Variants in CCDC85C observed in about 807,000 individuals in gnomAD.
CCDC85C encodes coiled-coil domain-containing protein 85C.
A neutral mutation model predicts 38.3 loss-of-function variants in CCDC85C; 18 were observed. The ratio of observed to expected loss-of-function variants is 0.47; its 90% CI spans 0.33 to 0.70. The LOEUF (loss-of-function observed/expected upper bound fraction) is 0.70, where lower values mean the gene tolerates loss of function less well. CCDC85C is among the 30% of genes least tolerant of loss of function. CCDC85C has a pLI of 0.03. For synonymous variants in CCDC85C, 264 were observed against 293.8 expected (o/e 0.90, Z 1.04); for missense variants, 566 against 621.2 (o/e 0.91, Z 0.94).
At position 99,510,764 on chromosome 14, in the gene CCDC85C, G is replaced by A; in HGVS notation, c.*4482C>T. 1 of 1,464,078 alleles carries A rather than the reference G, an allele frequency of 6.8e-7. No homozygotes were observed. The highest frequency in any genetic ancestry group is 9.0e-7 in the Non-Finnish European group (1 of 1,109,486). 90.7% of individuals were successfully genotyped at this position (1,464,078 alleles called of 1,614,324 possible). ...TGCCTCCAGTTGGGGGGCTGGGGCG[G>A]GCAGCCTGGATGAGATAACGTGAGC... On this transcript the variant is annotated 3_prime_UTR_variant, in exon 6 of 6. Transcript: ENST00000380243.
At chr14:99,559,016 G>A (rs370649481) in intron 1 of CCDC85C, among the ~76,000 whole-genome samples, 16 of 151,830 alleles carry the variant, frequency 1.1e-4, no homozygotes, top group African/African-American at 1.9e-4. Context: ...TCCTGCTCCC[G>A]CCTGCAAGAC....
chr14:99,571,942 A>G (rs1192447545), intron 1 of CCDC85C, among the ~76,000 whole-genome samples: 1 of 152,194 alleles, frequency 6.6e-6, no homozygotes, highest in East Asian at 1.9e-4. Context: ...TCATTGAGCT[A>G]GGCCCTGAAG....
At chr14:99,552,836 T>C (rs1360761074) in intron 1 of CCDC85C, among the ~76,000 whole-genome samples, 1 of 152,234 alleles carries the variant, frequency 6.6e-6, no homozygotes, top group African/African-American at 2.4e-5. Context: ...CTGCTCACCT[T>C]GGGCAAGGCT....
rs1181210647 is a variant in CCDC85C at position 99,558,359 on chromosome 14, G to A, written c.794-22271C>T. On this transcript the variant is annotated intron_variant, in intron 1 of 5. Coordinates refer to ENST00000380243, the MANE Select transcript of CCDC85C (RefSeq NM_001144995.2). This position sits in a 1 kb window ranked among gnomAD's most constrained non-coding sequence, Gnocchi z 4.2. The stretch of plus-strand genomic sequence containing the variant: ...CATGTAGTCAAGGTAAGGTCCAGAG[G>A]AGACCACACTGTATTAGGGTGGCCC... 6.6e-6 allele frequency among the ~76,000 whole-genome samples: 1 copy of A among 152,242 alleles called. No individual in the cohort carries two copies. Among genetic ancestry groups the A allele is most frequent in the Non-Finnish European group, 1.5e-5 (1 of 68,046 alleles).
intron 3 of CCDC85C, among the ~76,000 whole-genome samples, chr14:99,518,335 AGGCTAGGG>A (rs1897256123): frequency 6.6e-6 from 1 of 151,584 alleles, no homozygotes; most frequent in Non-Finnish European, 1.5e-5. Flanking sequence ...CCCACCCCTG[AGGCTAGGG>A]GGCCTGGGAG....
Position 99,507,886 on chromosome 14 carries a change from C to G in CCDC85C, c.*7360G>C, listed in dbSNP as rs531637873. On this transcript the variant is annotated 3_prime_UTR_variant, in exon 6 of 6. Transcript: ENST00000380243. ...GGTAAGCTGGAAAGCCTCTCTGATA[C>G]CGCTGGCAATAGAGGAGAAAAGCTG... 5.3e-5 allele frequency: 8 copies of G among 152,244 alleles called. No homozygotes were observed. The highest frequency in any genetic ancestry group is 2.1e-4 in the South Asian group (1 of 4,832). The allele number at this position is 152,244 out of a possible 1,614,324, so 9.4% of individuals were successfully genotyped here. A position where few individuals can be genotyped will look rare whatever the true frequency, so the allele number is the denominator to read the frequency against.
In CCDC85C at chr14:99,511,486, G is replaced by T. The variant is rs1897130146; in HGVS notation, c.*3760C>A. ...GTTACAAATGAGACTCCTTCAGTCA[G>T]TTATCCAAATAAAAGCAGTTCTGAA... On this transcript the variant is annotated 3_prime_UTR_variant, in exon 6 of 6. Coordinates refer to ENST00000380243, the MANE Select transcript of CCDC85C (RefSeq NM_001144995.2). 1 of 152,604 alleles carries T rather than the reference G, an allele frequency of 6.6e-6. No individual in the cohort carries two copies. The highest frequency in any genetic ancestry group is 6.5e-5 in the Admixed American group (1 of 15,290). The allele number at this position is 152,604 out of a possible 1,614,324, so 9.5% of individuals were successfully genotyped here.
intron 2 of CCDC85C, among the ~76,000 whole-genome samples, chr14:99,524,411 T>C (rs1306742763): frequency 6.6e-6 from 1 of 151,670 alleles, no homozygotes; most frequent in Non-Finnish European, 1.5e-5. Flanking sequence ...AAACGCAGGT[T>C]TGTGCTGCCG....
intron 1 of CCDC85C, among the ~76,000 whole-genome samples, chr14:99,556,285 G>A (rs1359885755): frequency 1.3e-5 from 2 of 152,152 alleles, no homozygotes; most frequent in Non-Finnish European, 2.9e-5. Context: ...GGGCATGGTG[G>A]TGCATGCCTG....
At chr14:99,596,276 C>T (rs574757840) in intron 1 of CCDC85C, among the ~76,000 whole-genome samples, 1 of 152,286 alleles carries the variant, frequency 6.6e-6, no homozygotes, top group Non-Finnish European at 1.5e-5. Context: ...TAAGACACGC[C>T]CCATATTACA....
rs1208877317 is a variant in CCDC85C at position 99,504,162 on chromosome 14, CAGA to C, written c.*11081_*11083del. 1.1e-5 allele frequency: 3 copies of C among 264,704 alleles called. No individual in the cohort carries two copies. The highest frequency in any genetic ancestry group is 2.4e-5 in the Non-Finnish European group (3 of 127,454). The allele number at this position is 264,704 out of a possible 1,614,324, so 16.4% of individuals were successfully genotyped here. A position where few individuals can be genotyped will look rare whatever the true frequency, so the allele number is the denominator to read the frequency against. ...AGTTCATGTCAATATTGGAAATAAA[CAGA>C]AGGAGTGAGCAAAATTGGAACAATT... On this transcript the variant is annotated 3_prime_UTR_variant, in exon 6 of 6. Coordinates refer to ENST00000380243, the MANE Select transcript of CCDC85C (RefSeq NM_001144995.2).
chr14:99,599,572 G>A (rs1211391787), intron 1 of CCDC85C, among the ~76,000 whole-genome samples: 2 of 152,192 alleles, frequency 1.3e-5, no homozygotes, highest in Admixed American at 1.3e-4. Context: ...CCCAAGTCCA[G>A]TCAGCCCAGA....
In CCDC85C at chr14:99,503,359, G is replaced by A. The variant is rs1896889400; in HGVS notation, c.*11887C>T. 3.3e-6 allele frequency: 2 copies of A among 602,852 alleles called. No individual in the cohort carries two copies. Among genetic ancestry groups the A allele is most frequent in the Non-Finnish European group, 5.9e-6 (2 of 338,766 alleles). 37.3% of individuals were successfully genotyped at this position (602,852 alleles called of 1,614,324 possible). ...CACCCAAGTGGTCCTGAAACTTAGT[G>A]TTTACTCAGAACTCACCATTCAGGA... On this transcript the variant is annotated 3_prime_UTR_variant, in exon 6 of 6. Transcript: ENST00000380243.
intron 1 of CCDC85C, among the ~76,000 whole-genome samples, chr14:99,594,868 T>C (rs1228896122): frequency 6.6e-6 from 1 of 152,192 alleles, no homozygotes; most frequent in Non-Finnish European, 1.5e-5. Context: ...GCAGGGAGCA[T>C]GTCAGCTGAC....
chr14:99,524,631 G>A (rs1897349421), intron 2 of CCDC85C, among the ~76,000 whole-genome samples: 1 of 152,220 alleles, frequency 6.6e-6, no homozygotes, highest in South Asian at 2.1e-4. Flanking sequence ...GACTAATGGC[G>A]CATCAAATGA....
chr14:99,507,246 A>C lies in CCDC85C; in HGVS notation c.*8000T>G. The C allele has an allele frequency of 2.5e-6, 2 of 794,168 alleles. No individual in the cohort carries two copies. The highest frequency in any genetic ancestry group is 2.7e-5 in the South Asian group (2 of 73,500). 49.2% of individuals were successfully genotyped at this position (794,168 alleles called of 1,614,324 possible). On this transcript the variant is annotated 3_prime_UTR_variant, in exon 6 of 6. Transcript: ENST00000380243. ...ACTTAGAAAAGGGAGACTGGGGCCC[A>C]GATTGACAATGTCAGCCACAGGCAG...
In CCDC85C at chr14:99,570,774, G is replaced by C. The variant is rs796198943; in HGVS notation, c.793+32393C>G. Among the ~76,000 whole-genome samples the C allele has an allele frequency of 2.6e-4, 40 of 151,744 alleles. 1 individual carries two copies. The highest frequency in any genetic ancestry group is 9.4e-4 in the African/African-American group (39 of 41,336). The stretch of plus-strand genomic sequence containing the variant: ...CTCACAGGCACGTGCAGCTTTGGAG[G>C]AGGGGCAGAAAGAGCCAGACCTACA... On this transcript the variant is annotated intron_variant, in intron 1 of 5. Transcript: ENST00000380243.
rs1897513820 is a variant in CCDC85C, at chr14:99,532,637, T to A, written c.867+3378A>T. Among the ~76,000 whole-genome samples, 3 of 152,268 alleles carry A rather than the reference T, an allele frequency of 2.0e-5. No individual in the cohort carries two copies. In the South Asian group the frequency reaches 6.2e-4, roughly 32 times the overall value. On this transcript the variant is annotated intron_variant, in intron 2 of 5. Transcript: ENST00000380243. ...ATCCAAAGGCAGGCTTGGGACCCAC[T>A]GCTGCCGAGAGCCAAGGGCCCCTCC...
intron 1 of CCDC85C, among the ~76,000 whole-genome samples, chr14:99,540,715 G>A (rs1053619324): frequency 1.3e-5 from 2 of 152,196 alleles, no homozygotes; most frequent in African/African-American, 4.8e-5. Context: ...AACCGGGGAG[G>A]AGGGTGTCTC....
Sources: allele counts gnomAD v4.1 joint callset (sites outside exome capture counted in the v4.1 genomes callset), GRCh38; gene constraint gnomAD v4.1.1; non-coding constraint Gnocchi (gnomAD v3.1); transcripts MANE v1.5; gene names NCBI Gene and HGNC (gene_info 2026-07-23, HGNC 2026-07-21).